PPM1B: variants seen among roughly 807,000 people sequenced by gnomAD.
PPM1B encodes protein phosphatase, Mg2+/Mn2+ dependent 1B.
Under a neutral mutation model 43.0 loss-of-function variants are expected in PPM1B, and 22 were observed. The observed-to-expected ratio is 0.51, with a 90% CI of 0.37 to 0.73. The LOEUF is 0.73. Among genes scored for constraint, PPM1B ranks in the 30% least tolerant of loss-of-function variants. The pLI is 0.00. For missense variants in PPM1B, 632 were observed against 584.2 expected, an observed-to-expected ratio of 1.08 and a Z score of -0.84; for synonymous variants, 217 against 197.9, an observed-to-expected ratio of 1.10 and a Z score of -0.81.
chr2:44,199,324 T>TAAAAAAA (rs796771747), intron 1 of PPM1B, among the ~76,000 whole-genome samples: 1 of 74,694 alleles, frequency 1.3e-5, no homozygotes, highest in African/African-American at 4.8e-5. Flanking sequence ...AAAATAAAAA[T>TAAAAAAA]AAAAAAAAAA....
At chr2:44,233,948 C>A, downstream of PPM1B, 1 of 985,356 alleles carries the variant, frequency 1.0e-6, no homozygotes, top group South Asian at 4.7e-5. Flanking sequence ...TTCAAACTGT[C>A]CACTCTGATC....
intron 1 of PPM1B, among the ~76,000 whole-genome samples, chr2:44,174,221 T>G (rs1487514778): frequency 6.6e-6 from 1 of 152,200 alleles, no homozygotes; most frequent in African/African-American, 2.4e-5. Flanking sequence ...TTCTTGAAAA[T>G]TAAAAATCTT....
intron 5 of PPM1B, among the ~76,000 whole-genome samples, chr2:44,241,530 G>A (rs1469790641): frequency 3.5e-5 from 5 of 142,418 alleles, no homozygotes; most frequent in African/African-American, 1.2e-4. Flanking sequence ...TCAAGAGTTC[G>A]AGACCAGCCT....
rs1340212020 is a variant in PPM1B, at chr2:44,229,613, C to G, written c.1135-800C>G. Among the ~76,000 whole-genome samples, 3 of 152,266 alleles carry G rather than the reference C, an allele frequency of 2.0e-5. No homozygotes were observed. In the East Asian group the frequency reaches 5.8e-4, roughly 29 times the overall value. ...GGGAATTAGCATTATTAGATTCATT[C>G]TAAACATTTTTTGGCACGAATACAG... On this transcript the variant is annotated intron_variant, in intron 5 of 5. Transcript: ENST00000282412.
intron 5 of PPM1B, among the ~76,000 whole-genome samples, chr2:44,241,384 A>T (rs139947587): frequency 6.9e-6 from 1 of 143,912 alleles, no homozygotes; most frequent in East Asian, 2.1e-4. Flanking sequence ...TCAATTCACA[A>T]TTGGGTTTTG....
At chr2:44,187,408 C>T (rs1346927356) in intron 1 of PPM1B, among the ~76,000 whole-genome samples, 1 of 152,092 alleles carries the variant, frequency 6.6e-6, no homozygotes, top group African/African-American at 2.4e-5. Flanking sequence ...TTTGAGATCC[C>T]ACTGTCATTT....
At chr2:44,183,380 G>T (rs1667972558) in intron 1 of PPM1B, among the ~76,000 whole-genome samples, 1 of 152,168 alleles carries the variant, frequency 6.6e-6, no homozygotes. Flanking sequence ...TTCCCGTGTG[G>T]TTTTGGAAAC....
intron 1 of PPM1B, among the ~76,000 whole-genome samples, chr2:44,188,719 CTTCCTTCCTTCCTTCCTTCT>C (rs1257123951): frequency 1.3e-4 from 19 of 141,706 alleles, no homozygotes; most frequent in Non-Finnish European, 2.4e-4. Context: ...GCCTGCTTTC[CTTCCTTCCTTCCTTCCTTCT>C]TTCCTTCCTT....
At chr2:44,177,915 CTTTTTTTTTTT>C (rs746113686) in intron 1 of PPM1B, among the ~76,000 whole-genome samples, 1 of 106,268 alleles carries the variant, frequency 9.4e-6, no homozygotes, top group Non-Finnish European at 2.0e-5. Flanking sequence ...TAGAACAGTT[CTTTTTTTTTTT>C]TTTTTTTTAA....
At chr2:44,213,581 A>G (rs573047426) in intron 3 of PPM1B, 1 of 152,276 alleles carries the variant, frequency 6.6e-6, no homozygotes, top group African/African-American at 2.4e-5. Context: ...AATTTGGAGA[A>G]TGGGGATTTA....
intron 1 of PPM1B, among the ~76,000 whole-genome samples, chr2:44,197,022 A>G (rs1352548374): frequency 6.6e-6 from 1 of 152,214 alleles, no homozygotes; most frequent in Non-Finnish European, 1.5e-5. Flanking sequence ...TTTTTTAAAT[A>G]AACTTTTAAT....
chr2:44,209,517 C>A, intron 3 of PPM1B, 190 bp downstream of exon 3: 1 of 578,494 alleles, frequency 1.7e-6, no homozygotes, highest in Non-Finnish European at 2.8e-6. Context: ...CGCAGTGGCT[C>A]ACACCTGTAA....
intron 4 of PPM1B, 89 bp from the exon 5 acceptor site, chr2:44,218,391 T>G: frequency 1.0e-6 from 1 of 997,162 alleles, no homozygotes; most frequent in Non-Finnish European, 1.5e-6. Context: ...AGTTACTTTT[T>G]TAGTGTGGTC....
At chr2:44,171,482 G>A (rs1667341222) in intron 1 of PPM1B, among the ~76,000 whole-genome samples, 1 of 152,068 alleles carries the variant, frequency 6.6e-6, no homozygotes, top group Admixed American at 6.6e-5. Context: ...TGGCAGTCTT[G>A]GAAGCTTAGA....
At chr2:44,193,777 C>T (rs558782844) in intron 1 of PPM1B, among the ~76,000 whole-genome samples, 34 of 152,200 alleles carry the variant, frequency 2.2e-4, no homozygotes, top group African/African-American at 7.9e-4. Context: ...TGGGGTTTTA[C>T]CGTGTTGGCC....
Position 44,199,312 on chromosome 2 carries a change from A to T in PPM1B, c.-14-1874A>T, listed in dbSNP as rs112655216. Among the ~76,000 whole-genome samples the T allele has an allele frequency of 8.1e-3, 1,054 of 130,206 alleles. 7 individuals are homozygous for T. The highest frequency in any genetic ancestry group is 0.024 in the Middle Eastern group (6 of 252). The allele number at this position is 130,206 out of a possible 152,430, so 85.4% of individuals were successfully genotyped here. A position where few individuals can be genotyped will look rare whatever the true frequency, so the allele number is the denominator to read the frequency against. On this transcript the variant is annotated intron_variant, in intron 1 of 5. Transcript: ENST00000282412. ...ACGTGCCTGTAGATCTCAAAAAAAA[A>T]AAAAATAAAAATAAAAAAAAAAAAA...
At chr2:44,179,365 C>A (rs1240117979) in intron 1 of PPM1B, among the ~76,000 whole-genome samples, 1 of 152,194 alleles carries the variant, frequency 6.6e-6, no homozygotes, top group African/African-American at 2.4e-5. Flanking sequence ...TTTACACTTA[C>A]AGCAAATCTC....
In PPM1B at chr2:44,196,806, A is replaced by G. The variant is rs114330901; in HGVS notation, c.-14-4380A>G. 8.6e-3 allele frequency among the ~76,000 whole-genome samples: 1,317 copies of G among 152,328 alleles called. 14 individuals carry two copies. Among genetic ancestry groups the G allele is most frequent in the Non-Finnish European group, 1.0e-2 (677 of 68,028 alleles). The stretch of plus-strand genomic sequence containing the variant: ...AAAGAAAATGATCTGTCATAGACCA[A>G]GAGTGGTTATAACATCTCAGAAATA... On this transcript the variant is annotated intron_variant, in intron 1 of 5. Coordinates refer to ENST00000282412, the MANE Select transcript of PPM1B (RefSeq NM_002706.6).
downstream of PPM1B, chr2:44,232,349 TA>T (rs781231635): frequency 2.5e-6 from 4 of 1,605,404 alleles, no homozygotes; most frequent in Admixed American, 5.1e-5. Flanking sequence ...ATGGTAGCCT[TA>T]AAAACCTTCT....
Sources: gnomAD v4.1 joint callset for allele counts (sites outside exome capture counted in the v4.1 genomes callset) on GRCh38, gnomAD v4.1.1 for gene constraint, MANE v1.5 for transcripts, NCBI Gene and HGNC (gene_info 2026-07-23, HGNC 2026-07-21) for gene names.